FBXO10: variants seen among roughly 807,000 people sequenced by gnomAD.
FBXO10 encodes the protein F-box only protein 10.
A neutral mutation model predicts 80.7 loss-of-function variants in FBXO10; 39 were observed. The ratio of observed to expected loss-of-function variants is 0.48; its 90% CI spans 0.37 to 0.63. The LOEUF (loss-of-function observed/expected upper bound fraction) is 0.63, where lower values mean the gene tolerates loss of function less well. Among genes scored for constraint, FBXO10 ranks in the 30% least tolerant of loss-of-function variants. The pLI is 0.00. For synonymous variants in FBXO10, 449 were observed against 489.6 expected (o/e 0.92, Z 1.09); for missense variants, 1,025 against 1,269.0 (o/e 0.81, Z 2.92).
chr9:37,558,012 A>G (rs1257656785), intron 1 of FBXO10, among the ~76,000 whole-genome samples: 1 of 152,232 alleles, frequency 6.6e-6, no homozygotes, highest in East Asian at 1.9e-4. Flanking sequence ...GCTTTGACGT[A>G]CTTGTTAGAA....
chr9:37,534,815 G>A (rs1218198164), intron 3 of FBXO10, among the ~76,000 whole-genome samples: 2 of 152,120 alleles, frequency 1.3e-5, no homozygotes, highest in African/African-American at 4.8e-5. Context: ...GAGAAACAGC[G>A]GGAAAACACT....
intron 1 of FBXO10, among the ~76,000 whole-genome samples, chr9:37,569,194 A>G (rs1348476362): frequency 6.6e-6 from 1 of 152,076 alleles, no homozygotes; most frequent in African/African-American, 2.4e-5. Context: ...AAAAGATGCA[A>G]CTAATGGAAA....
chr9:37,529,372 C>T lies in FBXO10; in HGVS notation c.1570-112G>A, dbSNP rs966950767. On this transcript the variant is annotated intron_variant, in intron 4 of 10. Transcript: ENST00000432825. ...AGGATGAACACAGTGGAGAAAATGACGTCACTGTAAGAGCCCTAGCCCGTG... is the reference window on the plus strand; with the variant it reads ...AGGATGAACACAGTGGAGAAAATGATGTCACTGTAAGAGCCCTAGCCCGTG... 38 of 1,223,452 alleles carry T rather than the reference C, an allele frequency of 3.1e-5. No individual in the cohort carries two copies. The African/African-American group carries it at 3.3e-4, about 11-fold the overall frequency. 75.8% of individuals were successfully genotyped at this position (1,223,452 alleles called of 1,614,324 possible).
At chr9:37,555,369 A>C (rs1822309427) in intron 1 of FBXO10, among the ~76,000 whole-genome samples, 1 of 151,542 alleles carries the variant, frequency 6.6e-6, no homozygotes, top group African/African-American at 2.4e-5. Context: ...GTACTTGTTC[A>C]AATCTTTTGT....
In FBXO10 at chr9:37,524,278, A is replaced by G. The variant is rs142567505; in HGVS notation, c.1777+824T>C. 2.2e-3 allele frequency among the ~76,000 whole-genome samples: 334 copies of G among 152,296 alleles called. 2 individuals carry two copies. Among genetic ancestry groups the G allele is most frequent in the African/African-American group, 7.7e-3 (321 of 41,568 alleles). On this transcript the variant is annotated intron_variant, in intron 6 of 10. Coordinates refer to ENST00000432825, the MANE Select transcript of FBXO10 (RefSeq NM_012166.3). ...CCTACCCAGTCCCTCTTTTGCCTTA[A>G]TTATCCATAGAGCACTTGTCACCCT...
intron 1 of FBXO10, among the ~76,000 whole-genome samples, chr9:37,547,086 A>G (rs1254814786): frequency 6.6e-6 from 1 of 152,216 alleles, no homozygotes; most frequent in African/African-American, 2.4e-5. Context: ...GATAAATGAA[A>G]ATAGGTGTTT....
chr9:37,531,929 T>G lies in FBXO10; in HGVS notation c.1549A>C (p.Lys517Gln). The G allele has an allele frequency of 6.2e-7, 1 of 1,613,878 alleles. No individual in the cohort carries two copies. Among genetic ancestry groups the G allele is most frequent in the South Asian group, 1.1e-5 (1 of 91,082 alleles). ...AGTACCAGTATGAGTGGGTTGGACT[T>G]TTTCCGGATGTCTACACCAGCCTCT... ...NAEAGVDIRK[K>Q]SNPLILCNQI... The change falls in exon 4 of 11, where the codon AAG (lysine) becomes CAG (glutamine). Residue 517 changes from lysine (K) to glutamine (Q), a missense_variant. By Grantham distance (53) the Lys-to-Gln change is moderately conservative. Around this residue, in one of 3 missense-constraint regions of FBXO10, gnomAD observed 478 missense variants for 667.8 expected, o/e 0.72. Coordinates refer to ENST00000432825, the MANE Select transcript of FBXO10 (RefSeq NM_012166.3).
intron 1 of FBXO10, among the ~76,000 whole-genome samples, chr9:37,544,358 G>A (rs988298267): frequency 2.0e-5 from 3 of 152,140 alleles, no homozygotes; most frequent in Admixed American, 2.0e-4. Context: ...ATTTGGACCT[G>A]GGAGGCAGAG....
intron 10 of FBXO10, chr9:37,515,102 G>C (rs913160472): frequency 6.6e-6 from 1 of 152,422 alleles, no homozygotes; most frequent in Non-Finnish European, 1.5e-5. Flanking sequence ...GCTGCAGGGG[G>C]ACAGGTGACA....
intron 2 of FBXO10, among the ~76,000 whole-genome samples, chr9:37,538,192 T>C (rs546644034): frequency 6.6e-6 from 1 of 152,092 alleles, no homozygotes; most frequent in African/African-American, 2.4e-5. Context: ...GACAAGTAGA[T>C]GATGGCAGAA....
intron 1 of FBXO10, among the ~76,000 whole-genome samples, chr9:37,549,440 GCCTCTCTGTGTC>G (rs1321950604): frequency 4.6e-5 from 7 of 152,150 alleles, no homozygotes; most frequent in Non-Finnish European, 8.8e-5. Flanking sequence ...CCCCCTAAAA[GCCTCTCTGTGTC>G]CCCCATTCCA....
intron 1 of FBXO10, among the ~76,000 whole-genome samples, chr9:37,566,168 C>T: frequency 6.6e-6 from 1 of 152,198 alleles, no homozygotes; most frequent in East Asian, 1.9e-4. Flanking sequence ...TGGGCTCTGC[C>T]TCTCCCTTGC....
chr9:37,515,575 A>G (rs939484736), intron 10 of FBXO10: 1 of 196,792 alleles, frequency 5.1e-6, no homozygotes, highest in South Asian at 1.4e-4. Context: ...AGCCCCTCAG[A>G]GATTCAGCCA....
intron 1 of FBXO10, among the ~76,000 whole-genome samples, chr9:37,574,896 T>C (rs1461275603): frequency 6.6e-6 from 1 of 152,006 alleles, no homozygotes; most frequent in Non-Finnish European, 1.5e-5. Flanking sequence ...CAAGACAGAG[T>C]AGGGGTTCCA....
rs373698157 is a variant in FBXO10, at chr9:37,521,345, A to G, written c.2200+224T>C. On this transcript the variant is annotated intron_variant, in intron 8 of 10. Coordinates refer to ENST00000432825, the MANE Select transcript of FBXO10 (RefSeq NM_012166.3). ...AGGAGCGCCTCTCCCTGGCCCCCAC[A>G]CTGTCTGGGAAGTGAGGAGCGCCTC... Among the ~76,000 whole-genome samples, 607 of 148,802 alleles carry G rather than the reference A, an allele frequency of 4.1e-3. 2 individuals are homozygous for G. The highest frequency in any genetic ancestry group is 6.6e-3 in the Non-Finnish European group (439 of 66,844).
intron 1 of FBXO10, among the ~76,000 whole-genome samples, chr9:37,567,058 A>G (rs2119191134): frequency 6.6e-6 from 1 of 151,336 alleles, no homozygotes; most frequent in South Asian, 2.1e-4. Flanking sequence ...ACATAAATTT[A>G]TTGCATGTCC....
intron 1 of FBXO10, among the ~76,000 whole-genome samples, chr9:37,542,992 T>A (rs1400414794): frequency 1.3e-5 from 2 of 151,776 alleles, no homozygotes; most frequent in Non-Finnish European, 2.9e-5. Flanking sequence ...CTATTAGGAA[T>A]GAGAACTGAG....
Position 37,512,417 on chromosome 9 carries a change from C to A in FBXO10, c.*130G>T. The A allele has an allele frequency of 4.4e-6, 4 of 899,998 alleles. No homozygotes were observed. The Middle Eastern group carries it at 9.3e-4, about 210-fold the overall frequency. 55.8% of individuals were successfully genotyped at this position (899,998 alleles called of 1,614,324 possible). ...GTGGAGCTGAAGTGTTCTGGAGGTACCGTGTTTTGGAGGCCCGGGACCCAT... is the reference window on the plus strand; with the variant it reads ...GTGGAGCTGAAGTGTTCTGGAGGTAACGTGTTTTGGAGGCCCGGGACCCAT... On this transcript the variant is annotated 3_prime_UTR_variant, in exon 11 of 11. Coordinates refer to ENST00000432825, the MANE Select transcript of FBXO10 (RefSeq NM_012166.3).
chr9:37,522,356 T>C lies in FBXO10; in HGVS notation c.1930+469A>G, dbSNP rs576084994. On this transcript the variant is annotated intron_variant, in intron 7 of 10. Transcript: ENST00000432825. The stretch of plus-strand genomic sequence containing the variant: ...GGCTGAGTAGAGAGGTGGGCCTGAG[T>C]CATCTTTATTATTATCACTGTATTA... 64 of 999,970 alleles carry C rather than the reference T, an allele frequency of 6.4e-5. No individual in the cohort carries two copies. The South Asian group carries it at 2.6e-3, about 41-fold the overall frequency. 61.9% of individuals were successfully genotyped at this position (999,970 alleles called of 1,614,324 possible).
Sources: allele counts gnomAD v4.1 joint callset (sites outside exome capture counted in the v4.1 genomes callset), GRCh38; gene constraint gnomAD v4.1.1; regional missense constraint gnomAD v4.1.1; transcripts MANE v1.5; gene names NCBI Gene and HGNC (gene_info 2026-07-23, HGNC 2026-07-21).